The following TGFBR1 variants were observed in gnomAD, a reference collection of about 807,000 sequenced individuals.
TGFBR1 encodes the protein transforming growth factor beta receptor 1, also known as TGF-beta receptor type-1.
In TGFBR1, 20 loss-of-function variants were observed where a neutral mutation model predicts 55.1. The observed-to-expected ratio is 0.36, with a 90% confidence interval of 0.26 to 0.53. The LOEUF (loss-of-function observed/expected upper bound fraction) is 0.53. TGFBR1 is among the 20% of genes least tolerant of loss of function. The pLI is 0.91. For synonymous variants in TGFBR1, 220 were observed against 214.8 expected, an observed-to-expected ratio of 1.02 and a Z score of -0.21; for missense variants, 385 against 617.6, an observed-to-expected ratio of 0.62 and a Z score of 3.99.
At chr9:99,126,654 C>T (rs533112240) in intron 1 of TGFBR1, among the ~76,000 whole-genome samples, 203 of 152,234 alleles carry the variant, frequency 1.3e-3, no homozygotes, top group African/African-American at 4.8e-3. Flanking sequence ...TAACATTTGG[C>T]TTATAGTTTT....
In TGFBR1 at chr9:99,137,852, C is replaced by T. The variant is rs2118706796; in HGVS notation, c.575-7C>T. ...TTGTGTTGAGTACTATTTATTTTTA[C>T]CTTTAGGTTTACCATTGCTTGTTCA... On this transcript the variant is annotated splice_region_variant and splice_polypyrimidine_tract_variant and intron_variant, in intron 3 of 8. Transcript: ENST00000374994. The T allele has an allele frequency of 6.2e-7, 1 of 1,610,314 alleles. No individual in the cohort carries two copies. The highest frequency in any genetic ancestry group is 1.1e-5 in the South Asian group (1 of 90,956).
At position 99,142,730 on chromosome 9, in the gene TGFBR1, T is replaced by G; in HGVS notation, c.973+27T>G. The stretch of plus-strand genomic sequence containing the variant: ...TAATTCTATAAGCAGTTCTATTATT[T>G]AAGCTTTAAATTTTCATGAATAATG... On this transcript the variant is annotated intron_variant, in intron 5 of 8. Coordinates refer to ENST00000374994, the MANE Select transcript of TGFBR1 (RefSeq NM_004612.4). The G allele has an allele frequency of 2.5e-6, 4 of 1,612,744 alleles. No homozygotes were observed. The Admixed American group carries it at 6.7e-5, about 27-fold the overall frequency.
chr9:99,149,104 T>C, intron 8 of TGFBR1, 76 bp from the exon 9 acceptor site: 1 of 1,475,444 alleles, frequency 6.8e-7, no homozygotes, highest in African/African-American at 1.4e-5. Flanking sequence ...AAAAGAAAAT[T>C]TACACGTAAA....
At chr9:99,145,115 T>A (rs1827751149) in intron 6 of TGFBR1, among the ~76,000 whole-genome samples, 1 of 152,202 alleles carries the variant, frequency 6.6e-6, no homozygotes, top group Admixed American at 6.5e-5. Context: ...ATTAGGCATG[T>A]TAATTATAAT....
In TGFBR1 at chr9:99,152,672, C is replaced by T. The variant is rs199642245; in HGVS notation, c.*3367C>T. 4.4e-6 allele frequency: 1 copy of T among 226,450 alleles called. No homozygotes were observed. Among genetic ancestry groups the T allele is most frequent in the South Asian group, 1.8e-4 (1 of 5,476 alleles). The allele number at this position is 226,450 out of a possible 1,614,324, so 14.0% of individuals were successfully genotyped here. ...ATTTTTATTCTTGCACTGGAAGAAT[C>T]GTAAGTCAACTGTTTCTTGACCATG... On this transcript the variant is annotated 3_prime_UTR_variant, in exon 9 of 9. Coordinates refer to ENST00000374994, the MANE Select transcript of TGFBR1 (RefSeq NM_004612.4).
intron 2 of TGFBR1, among the ~76,000 whole-genome samples, chr9:99,130,239 TG>T (rs1293694402): frequency 6.6e-6 from 1 of 152,194 alleles, no homozygotes; most frequent in African/African-American, 2.4e-5. Flanking sequence ...ACAAAGGATT[TG>T]GGGGGTGAGG....
rs745403055 is a variant in TGFBR1 at position 99,126,021 on chromosome 9, T to C, written c.98-2834T>C. Among the ~76,000 whole-genome samples the C allele has an allele frequency of 4.1e-4, 63 of 152,126 alleles. 1 individual carries two copies. Among genetic ancestry groups the C allele is most frequent in the Admixed American group, 7.2e-4 (11 of 15,276 alleles). ...GGTATGCAAAGAGCACTATGGAACA[T>C]ATTGAAAGGAGATACCAATTATTGT... On this transcript the variant is annotated intron_variant, in intron 1 of 8. Coordinates refer to ENST00000374994, the MANE Select transcript of TGFBR1 (RefSeq NM_004612.4).
intron 1 of TGFBR1, among the ~76,000 whole-genome samples, chr9:99,107,052 G>C (rs375244125): frequency 1.3e-5 from 2 of 152,146 alleles, no homozygotes; most frequent in African/African-American, 4.8e-5. Flanking sequence ...CACAAGAAGC[G>C]TTCATGTATT....
At chr9:99,109,465 T>G (rs552280609) in intron 1 of TGFBR1, among the ~76,000 whole-genome samples, 2 of 152,330 alleles carry the variant, frequency 1.3e-5, no homozygotes, top group African/African-American at 4.8e-5. Context: ...GGGCCGCTCA[T>G]GTAGGGAAGA....
Position 99,152,403 on chromosome 9 carries a change from C to G in TGFBR1, c.*3098C>G, listed in dbSNP as rs939621104. 1 of 226,974 alleles carries G rather than the reference C, an allele frequency of 4.4e-6. No individual in the cohort carries two copies. The highest frequency in any genetic ancestry group is 2.2e-5 in the African/African-American group (1 of 44,944). 14.1% of individuals were successfully genotyped at this position (226,974 alleles called of 1,614,324 possible). The stretch of plus-strand genomic sequence containing the variant: ...GGTCTGAAGAGCTGAGCCTGTAATT[C>G]TGCTGTAATAATGATAGTGCTCAAG... On this transcript the variant is annotated 3_prime_UTR_variant, in exon 9 of 9. Transcript: ENST00000374994.
upstream of TGFBR1, among the ~76,000 whole-genome samples, chr9:99,104,883 A>T (rs535755302): frequency 8.0e-4 from 121 of 151,846 alleles, no homozygotes; most frequent in Non-Finnish European, 1.5e-3. Context: ...CCGGGAGCCG[A>T]TCGGGCCGGG....
At position 99,128,883 on chromosome 9, in the gene TGFBR1, A is replaced by G. The variant is rs1827122219; in HGVS notation, c.126A>G (p.Thr42=). The change falls in exon 2 of 9, where the codon ACA becomes ACG. Residue 42 remains threonine, a synonymous_variant. Coordinates refer to ENST00000374994, the MANE Select transcript of TGFBR1 (RefSeq NM_004612.4). ...TALQCFCHLC[T]KDNFTCVTDG... ...TACAGTGTTTCTGCCACCTCTGTACAAAAGACAATTTTACTTGTGTGACAG... is the reference window on the plus strand; with the variant it reads ...TACAGTGTTTCTGCCACCTCTGTACGAAAGACAATTTTACTTGTGTGACAG... 13 of 1,613,952 alleles carry G rather than the reference A, an allele frequency of 8.1e-6. No homozygotes were observed. In the East Asian group the frequency reaches 2.9e-4, roughly 36 times the overall value.
intron 1 of TGFBR1, among the ~76,000 whole-genome samples, chr9:99,123,029 A>C (rs1826938493): frequency 6.6e-6 from 1 of 152,148 alleles, no homozygotes; most frequent in African/African-American, 2.4e-5. Context: ...TGAAACATGA[A>C]TGAATTTTAT....
chr9:99,144,343 CT>C, intron 5 of TGFBR1, among the ~76,000 whole-genome samples: 1 of 152,132 alleles, frequency 6.6e-6, no homozygotes, highest in African/African-American at 2.4e-5. Context: ...AGATAATATA[CT>C]TAATACTGAG....
intron 2 of TGFBR1, 94 bp from the exon 3 acceptor site, chr9:99,132,415 C>T: frequency 6.4e-7 from 1 of 1,571,480 alleles, no homozygotes; most frequent in Non-Finnish European, 8.6e-7. Context: ...CAGTGGCCAG[C>T]TGCAGGAATT....
chr9:99,131,514 A>G (rs1372935445), intron 2 of TGFBR1, among the ~76,000 whole-genome samples: 2 of 152,200 alleles, frequency 1.3e-5, no homozygotes, highest in Non-Finnish European at 2.9e-5. Flanking sequence ...TGTCAAAATA[A>G]TTGTAATTTT....
chr9:99,103,709 T>A (rs1014510404), upstream of TGFBR1, among the ~76,000 whole-genome samples: 1 of 152,098 alleles, frequency 6.6e-6, no homozygotes, highest in Non-Finnish European at 1.5e-5. Flanking sequence ...CTGAGCCTGT[T>A]GGAGGTTCAG....
chr9:99,133,671 G>A (rs962747160), intron 3 of TGFBR1, among the ~76,000 whole-genome samples: 1 of 152,134 alleles, frequency 6.6e-6, no homozygotes, highest in African/African-American at 2.4e-5. Context: ...AACCCATACT[G>A]TTGATAAAAA....
At chr9:99,134,282 C>T (rs1021920062) in intron 3 of TGFBR1, among the ~76,000 whole-genome samples, 4 of 152,152 alleles carry the variant, frequency 2.6e-5, no homozygotes, top group African/African-American at 9.7e-5. Context: ...AGAGCTCTCT[C>T]CTTGACTACT....
Sources: gnomAD v4.1 joint callset for allele counts (sites outside exome capture counted in the v4.1 genomes callset) on GRCh38, gnomAD v4.1.1 for gene constraint, MANE v1.5 for transcripts, NCBI Gene and HGNC (gene_info 2026-07-23, HGNC 2026-07-21) for gene names.